The following PLXNA2 variants were observed in gnomAD, a reference collection of about 807,000 sequenced individuals.
The protein encoded by PLXNA2 is plexin-A2.
PLXNA2 carries 91 observed loss-of-function variants against 193.5 expected under a neutral mutation model. The ratio of observed to expected loss-of-function variants is 0.47; its 90% confidence interval spans 0.40 to 0.56. PLXNA2 has a LOEUF of 0.56. Among genes scored for constraint, PLXNA2 ranks in the 20% least tolerant of loss-of-function variants. The probability of loss-of-function intolerance (pLI) is 0.00; values close to 1 mark genes in which losing one functional copy is unlikely to be tolerated. For synonymous variants in PLXNA2, 997 were observed against 1,027.3 expected (o/e 0.97, Z 0.56); for missense variants, 1,995 against 2,503.2 (o/e 0.80, Z 4.33).
intron 3 of PLXNA2, among the ~76,000 whole-genome samples, chr1:208,164,019 C>A (rs1400298056): frequency 2.6e-5 from 4 of 152,208 alleles, no homozygotes; most frequent in Non-Finnish European, 5.9e-5. Flanking sequence ...TTCATGTGTT[C>A]ACCTGTCCAC....
Position 208,050,968 on chromosome 1 carries a change from C to A in PLXNA2, c.3255+41G>T. On this transcript the variant is annotated intron_variant, in intron 17 of 31. Transcript: ENST00000367033. ...CCCATTGCAAAACATCAACACAGAG[C>A]TGTGTTTACCAAAGGCTGGGGCAGA... 2.8e-6 allele frequency: 4 copies of A among 1,415,710 alleles called. No individual in the cohort carries two copies. The South Asian group carries it at 4.6e-5, about 16-fold the overall frequency. The allele number at this position is 1,415,710 out of a possible 1,614,324, so 87.7% of individuals were successfully genotyped here. A position where few individuals can be genotyped will look rare whatever the true frequency, so the allele number is the denominator to read the frequency against.
intron 4 of PLXNA2, among the ~76,000 whole-genome samples, chr1:208,123,471 G>T (rs1039579735): frequency 9.2e-5 from 14 of 152,082 alleles, no homozygotes; most frequent in East Asian, 7.7e-4. Context: ...TTCGAGTGTG[G>T]GCCTTTTGCA....
At chr1:208,221,893 G>C (rs966009744) in intron 1 of PLXNA2, among the ~76,000 whole-genome samples, 2 of 152,136 alleles carry the variant, frequency 1.3e-5, no homozygotes, top group African/African-American at 4.8e-5. Flanking sequence ...CTTGGTCAAG[G>C]TACTTAGCCA....
chr1:208,075,312 A>C (rs984407508), intron 12 of PLXNA2, among the ~76,000 whole-genome samples: 4 of 82,886 alleles, frequency 4.8e-5, no homozygotes, highest in Admixed American at 2.9e-4. Flanking sequence ...TCTGTCTCAA[A>C]AAAAAAAAAA....
chr1:208,103,224 T>C lies in PLXNA2; in HGVS notation c.1530A>G (p.Ser510=), dbSNP rs754247981. The part of the protein sequence containing the change: ...ERQVTRVPVE[S]CEQYTTCGEC... ...CCCCACAAGTCGTATACTGCTCACATGACTCCACGGGGACCCTGGTGACCT... is the reference window on the plus strand; with the variant it reads ...CCCCACAAGTCGTATACTGCTCACACGACTCCACGGGGACCCTGGTGACCT... Residue 510 remains serine, a synonymous_variant, in exon 5 of 32, where the codon TCA becomes TCG. Coordinates refer to ENST00000367033, the MANE Select transcript of PLXNA2 (RefSeq NM_025179.4). 13 of 1,614,024 alleles carry C rather than the reference T, an allele frequency of 8.1e-6. No individual in the cohort carries two copies. In the Admixed American group the frequency reaches 1.7e-4, roughly 21 times the overall value.
intron 12 of PLXNA2, among the ~76,000 whole-genome samples, chr1:208,066,034 ATG>A (rs372632260): frequency 6.0e-5 from 9 of 149,922 alleles, no homozygotes; most frequent in Non-Finnish European, 1.2e-4. Flanking sequence ...TGGGGGGTGT[ATG>A]TGTGTGTGTG....
At chr1:208,221,412 C>A (rs1212102202) in intron 1 of PLXNA2, among the ~76,000 whole-genome samples, 22 of 112,318 alleles carry the variant, frequency 2.0e-4, no homozygotes, top group African/African-American at 7.2e-4. Context: ...TTTTTTCAGG[C>A]CAGTAGTTCT....
chr1:208,235,678 T>C (rs1671828394), intron 1 of PLXNA2, among the ~76,000 whole-genome samples: 1 of 152,120 alleles, frequency 6.6e-6, no homozygotes, highest in East Asian at 1.9e-4. Flanking sequence ...AGGCACTTAG[T>C]TCCTGTTTGA....
chr1:208,064,229 A>G (rs967632353), intron 12 of PLXNA2, among the ~76,000 whole-genome samples: 3 of 152,152 alleles, frequency 2.0e-5, no homozygotes, highest in African/African-American at 7.2e-5. Flanking sequence ...ATCATCTCCT[A>G]CCCACACTAA....
chr1:208,129,064 G>A (rs1668066008), intron 4 of PLXNA2, among the ~76,000 whole-genome samples: 1 of 152,162 alleles, frequency 6.6e-6, no homozygotes, highest in South Asian at 2.1e-4. Context: ...AAGCAGCCCA[G>A]ACAGGCAAGG....
At chr1:208,176,740 C>T (rs768216077) in intron 3 of PLXNA2, among the ~76,000 whole-genome samples, 6 of 152,214 alleles carry the variant, frequency 3.9e-5, no homozygotes, top group East Asian at 3.9e-4. Flanking sequence ...CATCTGATTA[C>T]GTCCCTCACT....
intron 1 of PLXNA2, among the ~76,000 whole-genome samples, chr1:208,222,112 G>A (rs1041923170): frequency 1.3e-5 from 2 of 152,144 alleles, no homozygotes; most frequent in African/African-American, 4.8e-5. Flanking sequence ...CCCATCATCT[G>A]TCTTAGAATG....
At chr1:208,179,445 C>T (rs1024624472) in intron 3 of PLXNA2, among the ~76,000 whole-genome samples, 10 of 152,140 alleles carry the variant, frequency 6.6e-5, no homozygotes, top group Non-Finnish European at 1.0e-4. Flanking sequence ...TCCCTTCTGC[C>T]GGACCTGTCC....
chr1:208,118,932 C>T (rs1181460523), intron 4 of PLXNA2, among the ~76,000 whole-genome samples: 2 of 152,148 alleles, frequency 1.3e-5, no homozygotes, highest in Non-Finnish European at 2.9e-5. Flanking sequence ...TCGAGCTGTG[C>T]TTATTAAAAT....
Position 208,082,018 on chromosome 1 carries a change from C to T in PLXNA2, c.2395+394G>A, listed in dbSNP as rs916979792. Among the ~76,000 whole-genome samples, 11 of 152,230 alleles carry T rather than the reference C, an allele frequency of 7.2e-5. No homozygotes were observed. The highest frequency in any genetic ancestry group is 1.9e-4 in the East Asian group (1 of 5,176). Reference sequence around the variant, plus strand: ...GGAACTGGAGAGCAGCCTTAAAAACCCTCTTTGTGCAGTGATTGTGACCAG... The same window carrying T: ...GGAACTGGAGAGCAGCCTTAAAAACTCTCTTTGTGCAGTGATTGTGACCAG... On this transcript the variant is annotated intron_variant, in intron 11 of 31. Coordinates refer to ENST00000367033, the MANE Select transcript of PLXNA2 (RefSeq NM_025179.4). The surrounding 1 kb of genome is among the most constrained non-coding windows in gnomAD (Gnocchi z 4.2).
intron 3 of PLXNA2, among the ~76,000 whole-genome samples, chr1:208,197,096 TTAGTAAA>T (rs1670385510): frequency 6.6e-6 from 1 of 152,208 alleles, no homozygotes; most frequent in East Asian, 1.9e-4. Context: ...GGTCACGTAC[TTAGTAAA>T]TAGTAGAGTT....
chr1:208,029,206 T>A, intron 29 of PLXNA2, 164 bp from the exon 30 acceptor site: 1 of 1,437,150 alleles, frequency 7.0e-7, no homozygotes, highest in Non-Finnish European at 9.1e-7. Context: ...CCAAAGCTGT[T>A]ACTGACCTGG....
chr1:208,068,709 G>T (rs1375459176), intron 12 of PLXNA2, among the ~76,000 whole-genome samples: 2 of 152,208 alleles, frequency 1.3e-5, no homozygotes, highest in African/African-American at 4.8e-5. Flanking sequence ...TAACCAGGCT[G>T]GCCCTGGGCA....
chr1:208,237,522 G>T (rs1260686719), intron 1 of PLXNA2, among the ~76,000 whole-genome samples: 2 of 152,186 alleles, frequency 1.3e-5, no homozygotes, highest in African/African-American at 2.4e-5. Context: ...TTGACTAATA[G>T]AAAACAACTC....
Sources: gnomAD v4.1 joint callset for allele counts (sites outside exome capture counted in the v4.1 genomes callset) on GRCh38, gnomAD v4.1.1 for gene constraint, Gnocchi (gnomAD v3.1) non-coding constraint, MANE v1.5 for transcripts, NCBI Gene and HGNC (gene_info 2026-07-23, HGNC 2026-07-21) for gene names.